The following KDM4C variants were observed in gnomAD, a reference collection of about 807,000 sequenced individuals.
KDM4C encodes lysine demethylase 4C, also known as lysine-specific demethylase 4C.
A neutral mutation model predicts 129.3 loss-of-function variants in KDM4C; 81 were observed. The ratio of observed to expected loss-of-function variants is 0.63; its 90% CI spans 0.52 to 0.75. KDM4C has a LOEUF of 0.75. Ranked by LOEUF, KDM4C falls within the 30% of genes least tolerant of loss-of-function variation. The pLI, the probability that KDM4C is intolerant of heterozygous loss-of-function variation, is 0.00. For synonymous variants in KDM4C, 573 were observed against 456.1 expected (o/e 1.26, Z -3.26); for missense variants, 1,457 against 1,304.0 (o/e 1.12, Z -1.81).
chr9:6,742,675 T>G (rs1817740667), intron 1 of KDM4C, among the ~76,000 whole-genome samples: 1 of 74,776 alleles, frequency 1.3e-5, no homozygotes, highest in East Asian at 4.2e-4. Context: ...TTTGGTGGGG[T>G]GGGGAATTTT....
chr9:7,121,379 G>C (rs546565244), intron 18 of KDM4C, among the ~76,000 whole-genome samples: 5 of 152,276 alleles, frequency 3.3e-5, no homozygotes, highest in African/African-American at 1.2e-4. Flanking sequence ...GAGGTTCTTA[G>C]AGAGAAAGCA....
intron 6 of KDM4C, among the ~76,000 whole-genome samples, chr9:6,882,780 G>A (rs1844657636): frequency 6.6e-6 from 1 of 151,042 alleles, no homozygotes; most frequent in South Asian, 2.1e-4. Context: ...ATTTGTGTGT[G>A]TGTGTGTGTG....
intron 17 of KDM4C, among the ~76,000 whole-genome samples, chr9:7,098,796 T>C (rs1391207491): frequency 6.6e-6 from 1 of 152,230 alleles, no homozygotes; most frequent in African/African-American, 2.4e-5. Context: ...GACTATCCTC[T>C]TTACTGTAGA....
intron 5 of KDM4C, among the ~76,000 whole-genome samples, chr9:6,860,001 TGAA>T (rs1840635277): frequency 6.6e-6 from 1 of 152,134 alleles, no homozygotes; most frequent in African/African-American, 2.4e-5. Context: ...AGAGTAAAGA[TGAA>T]GGAGTAGGCA....
intron 19 of KDM4C, among the ~76,000 whole-genome samples, chr9:7,153,491 T>C (rs1430821722): frequency 6.6e-6 from 1 of 152,170 alleles, no homozygotes; most frequent in Non-Finnish European, 1.5e-5. Context: ...CTGCTGCCGG[T>C]CATCTAGGAC....
intron 17 of KDM4C, among the ~76,000 whole-genome samples, chr9:7,098,246 A>AT (rs1001447605): frequency 1.2e-4 from 18 of 152,016 alleles, no homozygotes; most frequent in African/African-American, 2.9e-4. Flanking sequence ...ACCTCTGTCC[A>AT]TTTTTTTTAG....
At chr9:7,134,614 C>T (rs1452917817) in intron 19 of KDM4C, among the ~76,000 whole-genome samples, 1 of 152,168 alleles carries the variant, frequency 6.6e-6, no homozygotes, top group African/African-American at 2.4e-5. Context: ...TTTTCAAAAA[C>T]AGTATGTAAA....
At chr9:6,844,713 A>T (rs1837548849) in intron 4 of KDM4C, among the ~76,000 whole-genome samples, 1 of 151,848 alleles carries the variant, frequency 6.6e-6, no homozygotes, top group Non-Finnish European at 1.5e-5. Context: ...TTTGAGATGG[A>T]GTCTCGCTTT....
intron 17 of KDM4C, among the ~76,000 whole-genome samples, chr9:7,080,310 A>G (rs1023413336): frequency 6.6e-6 from 1 of 152,170 alleles, no homozygotes; most frequent in Non-Finnish European, 1.5e-5. Flanking sequence ...TAGAGCCCAA[A>G]TGTTGAGATC....
chr9:6,935,879 A>C (rs1398837242), intron 8 of KDM4C, among the ~76,000 whole-genome samples: 1 of 152,184 alleles, frequency 6.6e-6, no homozygotes, highest in Non-Finnish European at 1.5e-5. Context: ...CTTATATTCC[A>C]GATTTAGGGC....
chr9:6,831,854 T>C (rs1834889677), intron 4 of KDM4C, among the ~76,000 whole-genome samples: 1 of 152,156 alleles, frequency 6.6e-6, no homozygotes, highest in Non-Finnish European at 1.5e-5. Flanking sequence ...ACTGTGACCA[T>C]CCTTAGCTGC....
intron 1 of KDM4C, among the ~76,000 whole-genome samples, chr9:6,765,274 C>T (rs1046162968): frequency 6.6e-6 from 1 of 152,122 alleles, no homozygotes; most frequent in Non-Finnish European, 1.5e-5. Flanking sequence ...CTGTATACAA[C>T]CTTCCTGAAT....
At chr9:6,945,924 T>C (rs1015134219) in intron 8 of KDM4C, among the ~76,000 whole-genome samples, 21 of 152,152 alleles carry the variant, frequency 1.4e-4, no homozygotes. Context: ...GATTTTATGA[T>C]ATTTTATTTG....
At chr9:7,151,959 T>C (rs1842771956) in intron 19 of KDM4C, among the ~76,000 whole-genome samples, 2 of 152,328 alleles carry the variant, frequency 1.3e-5, no homozygotes, top group Admixed American at 1.3e-4. Flanking sequence ...ACAGAATGTA[T>C]AGTTTAGGCT....
intron 8 of KDM4C, among the ~76,000 whole-genome samples, chr9:6,938,096 A>G (rs1331573203): frequency 6.6e-6 from 1 of 152,182 alleles, no homozygotes; most frequent in African/African-American, 2.4e-5. Context: ...AATGGGACAG[A>G]ATAATTTAGT....
intron 8 of KDM4C, among the ~76,000 whole-genome samples, chr9:6,921,273 T>C (rs1248530599): frequency 6.6e-6 from 1 of 152,230 alleles, no homozygotes; most frequent in Non-Finnish European, 1.5e-5. Flanking sequence ...AGCCTGGACT[T>C]TTCCTTGGAA....
chr9:6,944,124 T>G (rs1040137369), intron 8 of KDM4C, among the ~76,000 whole-genome samples: 1 of 152,196 alleles, frequency 6.6e-6, no homozygotes, highest in Non-Finnish European at 1.5e-5. Context: ...ATGTGTTGGG[T>G]TAGGAAATCC....
intron 15 of KDM4C, among the ~76,000 whole-genome samples, chr9:7,023,619 A>C (rs987286011): frequency 2.6e-5 from 4 of 151,832 alleles, no homozygotes; most frequent in African/African-American, 9.7e-5. Context: ...TTGTGTTCTC[A>C]TTTCAAATTC....
At chr9:6,732,050 C>G (rs764825436) in intron 1 of KDM4C, among the ~76,000 whole-genome samples, 7 of 152,036 alleles carry the variant, frequency 4.6e-5, no homozygotes, top group Admixed American at 4.6e-4. Flanking sequence ...ATAAACCAAA[C>G]CACCTAAAAT....
Sources: allele counts gnomAD v4.1 joint callset (sites outside exome capture counted in the v4.1 genomes callset), GRCh38; gene constraint gnomAD v4.1.1; transcripts MANE v1.5; gene names NCBI Gene and HGNC (gene_info 2026-07-23, HGNC 2026-07-21).